Variants in MYT1 observed in about 807,000 individuals in gnomAD.
MYT1 encodes the protein myelin transcription factor I.
Under a neutral mutation model 123.0 loss-of-function variants are expected in MYT1, and 23 were observed. That is an observed-to-expected ratio of 0.19 (90% confidence interval 0.13 to 0.26). The LOEUF is 0.26. Ranked by LOEUF, MYT1 falls within the 10% of genes least tolerant of loss-of-function variation. The pLI, the probability that MYT1 is intolerant of heterozygous loss-of-function variation, is 1.00. For missense variants in MYT1, 1,125 were observed against 1,472.5 expected (o/e 0.76, Z 3.86); for synonymous variants, 518 against 575.3 (o/e 0.90, Z 1.43).
rs553206550 is a variant in MYT1, at chr20:64,191,627, C to G, written c.-1+1467C>G. ...TTGTGTTTTACTCTCAAAACCCAAC[C>G]TTTTTCTTTTGAATCTGGTGGCGAG... is the stretch of plus-strand genomic sequence containing the variant. On this transcript the variant is annotated intron_variant, in intron 2 of 22. Coordinates refer to ENST00000328439, the MANE Select transcript of MYT1 (RefSeq NM_004535.3). The surrounding 1 kb of genome is among the most constrained non-coding windows in gnomAD (Gnocchi z 4.1). The G allele has an allele frequency of 6.6e-6, 1 of 152,226 alleles. No homozygotes were observed. Among genetic ancestry groups the G allele is most frequent in the South Asian group, 2.1e-4 (1 of 4,814 alleles). The allele number at this position is 152,226 out of a possible 1,614,324, so 9.4% of individuals were successfully genotyped here.
In MYT1 at chr20:64,207,967, C is replaced by T. The variant is rs545894219; in HGVS notation, c.771C>T (p.His257=). 105 of 1,600,216 alleles carry T rather than the reference C, an allele frequency of 6.6e-5. No individual in the cohort carries two copies. The highest frequency in any genetic ancestry group is 8.4e-5 in the African/African-American group (6 of 71,852). The change falls in exon 7 of 23, where the codon CAC becomes CAT. Residue 257 remains histidine, a synonymous_variant. Transcript: ENST00000328439. ...GCAAGCAGAAAGGCATCCTGAGTCACGAAGAGGAGGACGAGGAGGAGGAGG... is the reference window on the plus strand; with the variant it reads ...GCAAGCAGAAAGGCATCCTGAGTCATGAAGAGGAGGACGAGGAGGAGGAGG... ...ESSKQKGILS[H]EEEDEEEEEE...
chr20:64,240,826 C>T lies in MYT1; in HGVS notation c.*378C>T, dbSNP rs146856375. 441 of 187,468 alleles carry T rather than the reference C, an allele frequency of 2.4e-3. 1 individual carries two copies. Among genetic ancestry groups the T allele is most frequent in the African/African-American group, 9.7e-3 (415 of 42,770 alleles). 11.6% of individuals were successfully genotyped at this position (187,468 alleles called of 1,614,324 possible). On this transcript the variant is annotated 3_prime_UTR_variant, in exon 23 of 23. Transcript: ENST00000328439. ...TCGAGGCTGGGAGGGTAGCCGTGAG[C>T]GTGGTGGGTGGGTGGTGTGAGTGGC...
rs1422814616 is a variant in MYT1, at chr20:64,167,178, C to T, written c.-99+2439C>T. ...CGCTTGGAATGCCAGTTTGCACAAC[C>T]CAGTACTGTGCAGAGAGAGCAGGAG... On this transcript the variant is annotated intron_variant, in intron 1 of 22. Coordinates refer to ENST00000328439, the MANE Select transcript of MYT1 (RefSeq NM_004535.3). This position sits in a 1 kb window ranked among gnomAD's most constrained non-coding sequence, Gnocchi z 6.3. 2.0e-5 allele frequency among the ~76,000 whole-genome samples: 3 copies of T among 152,156 alleles called. No individual in the cohort carries two copies. The highest frequency in any genetic ancestry group is 2.9e-5 in the Non-Finnish European group (2 of 68,028).
chr20:64,199,914 A>G lies in MYT1; in HGVS notation c.78A>G (p.Ala26=), dbSNP rs1258132779. 1 of 1,614,028 alleles carries G rather than the reference A, an allele frequency of 6.2e-7. No homozygotes were observed. The highest frequency in any genetic ancestry group is 1.3e-5 in the African/African-American group (1 of 74,912). The change falls in exon 4 of 23, where the codon GCA becomes GCG. Residue 26 remains alanine, a synonymous_variant. Coordinates refer to ENST00000328439, the MANE Select transcript of MYT1 (RefSeq NM_004535.3). Reference sequence around the variant, plus strand: ...CAGGACCCCCAGAGACCACAGCTGCAGACCTCAGGTAAGGAAGTCTTCCTG... The same window carrying G: ...CAGGACCCCCAGAGACCACAGCTGCGGACCTCAGGTAAGGAAGTCTTCCTG... ...ALRGPPETTA[A]DLSCPTPGCT... is the part of the protein sequence containing the mutation.
intron 18 of MYT1, among the ~76,000 whole-genome samples, chr20:64,230,287 T>C (rs1215090769): frequency 6.6e-6 from 1 of 151,490 alleles, no homozygotes; most frequent in East Asian, 1.9e-4. Context: ...CTGAGGCGGG[T>C]GGATCACCTG....
At chr20:64,237,469 G>A (rs995634435) in intron 21 of MYT1, 79 bp downstream of exon 21, 9 of 1,118,632 alleles carry the variant, frequency 8.0e-6, no homozygotes, top group African/African-American at 3.1e-5. Flanking sequence ...TGAGGCATCC[G>A]TCGGCACTCA....
chr20:64,177,280 C>A (rs1601699993), intron 1 of MYT1, among the ~76,000 whole-genome samples: 1 of 152,158 alleles, frequency 6.6e-6, no homozygotes, highest in South Asian at 2.1e-4. Flanking sequence ...CCTGCCCCCA[C>A]CTCTCCCTTC....
At chr20:64,238,684 T>C (rs1336450271) in intron 21 of MYT1, among the ~76,000 whole-genome samples, 1 of 137,240 alleles carries the variant, frequency 7.3e-6, no homozygotes, top group Non-Finnish European at 1.6e-5. Flanking sequence ...CACTGTTGTG[T>C]GGGTGTCCAT....
intron 8 of MYT1, 103 bp downstream of exon 8, chr20:64,211,443 A>C: frequency 8.1e-7 from 1 of 1,238,048 alleles, no homozygotes; most frequent in Non-Finnish European, 1.1e-6. Context: ...CAGGGCCATA[A>C]CCTTCCCCTT....
intron 19 of MYT1, among the ~76,000 whole-genome samples, chr20:64,234,703 G>C (rs1453139679): frequency 1.7e-5 from 2 of 114,866 alleles, no homozygotes; most frequent in Admixed American, 8.4e-5. Context: ...GGCCGTGGTG[G>C]GTGACCCTGA....
rs1984714279 is a variant in MYT1, at chr20:64,241,429, T to C, written c.*981T>C. On this transcript the variant is annotated 3_prime_UTR_variant, in exon 23 of 23. Coordinates refer to ENST00000328439, the MANE Select transcript of MYT1 (RefSeq NM_004535.3). This position sits in a 1 kb window ranked among gnomAD's most constrained non-coding sequence, Gnocchi z 4.2. Reference sequence around the variant, plus strand: ...AATTTAATGTGTTAAAAACACAATGTCCCTACCGTGTAAATAGAATCCAAG... The same window carrying C: ...AATTTAATGTGTTAAAAACACAATGCCCCTACCGTGTAAATAGAATCCAAG... 6.6e-6 allele frequency: 1 copy of C among 152,610 alleles called. No individual in the cohort carries two copies. The highest frequency in any genetic ancestry group is 2.4e-5 in the African/African-American group (1 of 41,472). The allele number at this position is 152,610 out of a possible 1,614,324, so 9.5% of individuals were successfully genotyped here.
intron 1 of MYT1, among the ~76,000 whole-genome samples, chr20:64,173,283 C>G (rs1982342383): frequency 1.3e-5 from 2 of 152,154 alleles, no homozygotes; most frequent in Non-Finnish European, 2.9e-5. Context: ...AGGCCTCAAG[C>G]AGCCCTCGGA....
chr20:64,209,601 A>G (rs149460645), intron 7 of MYT1, among the ~76,000 whole-genome samples: 1 of 152,266 alleles, frequency 6.6e-6, no homozygotes, highest in East Asian at 1.9e-4. Context: ...ATAAGGAGAG[A>G]GAACTGGGAT....
rs1984477869 is a variant in MYT1 at position 64,235,303 on chromosome 20, AGCTGGCTGTGGTGGGTGACCCTGG to A, written c.2898-1245_2898-1222del. On this transcript the variant is annotated intron_variant, in intron 19 of 22. Coordinates refer to ENST00000328439, the MANE Select transcript of MYT1 (RefSeq NM_004535.3). The stretch of plus-strand genomic sequence containing the variant: ...GGGCTGGCCATGGTGGGTGACCCCG[AGCTGGCTGTGGTGGGTGACCCTGG>A]GCTGGCCGTGGTGGGTGACCCTGGG... 1.5e-4 allele frequency among the ~76,000 whole-genome samples: 3 copies of A among 19,798 alleles called. No individual in the cohort carries two copies. The East Asian group carries it at 3.2e-3, about 21-fold the overall frequency. The allele number at this position is 19,798 out of a possible 152,430, so 13.0% of individuals were successfully genotyped here. A position where few individuals can be genotyped will look rare whatever the true frequency, so the allele number is the denominator to read the frequency against.
chr20:64,237,236 C>T (rs548013615), intron 20 of MYT1, 51 bp from the exon 21 acceptor site: 43 of 1,527,892 alleles, frequency 2.8e-5, no homozygotes, highest in South Asian at 3.5e-5. Flanking sequence ...GCACTTTGGC[C>T]CAGGCCTGCC....
chr20:64,221,921 C>G lies in MYT1; in HGVS notation c.2270C>G (p.Ser757Cys). 6.2e-7 allele frequency: 1 copy of G among 1,613,608 alleles called. No individual in the cohort carries two copies. Among genetic ancestry groups the G allele is most frequent in the Non-Finnish European group, 8.5e-7 (1 of 1,180,034 alleles). ...GAGCCAGCAGCCCATTCTTTTGCTT[C>G]TTCTGAAGCAGATGACCAGGAAGTG... ...ESEPAAHSFA[S>C]SEADDQEVSE... is the part of the protein sequence containing the mutation. Residue 757 changes from serine to cysteine, a missense_variant, in exon 14 of 23, where the codon TCT (serine) becomes TGT (cysteine). Ser to Cys is a moderately radical substitution (Grantham distance 112). Transcript: ENST00000328439.
At chr20:64,170,917 A>AGAGAGG (rs2145688120) in intron 1 of MYT1, among the ~76,000 whole-genome samples, 1 of 135,672 alleles carries the variant, frequency 7.4e-6, no homozygotes. Context: ...AGAGAGAGAG[A>AGAGAGG]GAGAGAGAGA....
rs1251277535 is a variant in MYT1, at chr20:64,185,617, G to A, written c.-98-4446G>A. On this transcript the variant is annotated intron_variant, in intron 1 of 22. Coordinates refer to ENST00000328439, the MANE Select transcript of MYT1 (RefSeq NM_004535.3). This position sits in a 1 kb window ranked among gnomAD's most constrained non-coding sequence, Gnocchi z 4.5. ...AGTGGATCAGAGCTAACTGCCACAG[G>A]GACTCCCATCCGGAGGCCCAGGGGA... Among the ~76,000 whole-genome samples the A allele has an allele frequency of 1.3e-5, 2 of 152,206 alleles. No individual in the cohort carries two copies. The highest frequency in any genetic ancestry group is 2.9e-5 in the Non-Finnish European group (2 of 68,032).
chr20:64,210,075 G>A (rs765728783), intron 7 of MYT1, among the ~76,000 whole-genome samples: 5 of 152,180 alleles, frequency 3.3e-5, no homozygotes, highest in Non-Finnish European at 5.9e-5. Context: ...ACAGATCAGC[G>A]CAGAATTTGG....
Sources: allele counts gnomAD v4.1 joint callset (sites outside exome capture counted in the v4.1 genomes callset), GRCh38; gene constraint gnomAD v4.1.1; non-coding constraint Gnocchi (gnomAD v3.1); transcripts MANE v1.5; gene names NCBI Gene and HGNC (gene_info 2026-07-23, HGNC 2026-07-21).